Variants in RNF216 observed in about 807,000 individuals in gnomAD.
The protein encoded by RNF216 is E3 ubiquitin-protein ligase RNF216.
In RNF216, 72 loss-of-function variants were observed where a neutral mutation model predicts 110.8. That is an observed-to-expected ratio of 0.65 (90% CI 0.54 to 0.79). The LOEUF (loss-of-function observed/expected upper bound fraction) is 0.79, where lower values mean the gene tolerates loss of function less well. RNF216 is among the 30% of genes least tolerant of loss of function. The probability of loss-of-function intolerance (pLI) is 0.00; values close to 1 mark genes in which losing one functional copy is unlikely to be tolerated. For synonymous variants in RNF216, 495 were observed against 407.5 expected, an observed-to-expected ratio of 1.21 and a Z score of -2.59; for missense variants, 1,342 against 1,141.2, an observed-to-expected ratio of 1.18 and a Z score of -2.54.
intron 3 of RNF216, among the ~76,000 whole-genome samples, chr7:5,746,811 G>A (rs73341665): frequency 0.056 from 8,457 of 152,180 alleles, 786 homozygotes; most frequent in African/African-American, 0.19. Context: ...GAATTATGAT[G>A]ACCATGATGT....
chr7:5,678,760 C>T (rs920413214), intron 13 of RNF216, among the ~76,000 whole-genome samples: 4 of 152,254 alleles, frequency 2.6e-5, no homozygotes, highest in African/African-American at 9.6e-5. Context: ...GGACAAGCTG[C>T]AGAGGCTGCT....
chr7:5,706,250 AAC>A (rs779892183), intron 13 of RNF216, among the ~76,000 whole-genome samples: 101 of 152,218 alleles, frequency 6.6e-4, no homozygotes, highest in Non-Finnish European at 1.3e-3. Context: ...TTGTGGTGAA[AAC>A]ACACAATACA....
chr7:5,670,172 G>A (rs978986082), intron 13 of RNF216, among the ~76,000 whole-genome samples: 12 of 152,198 alleles, frequency 7.9e-5, no homozygotes, highest in East Asian at 1.9e-4. Flanking sequence ...GACCTCAAGT[G>A]AGGCACCCGC....
At chr7:5,773,863 C>A (rs1796634084) in intron 1 of RNF216, among the ~76,000 whole-genome samples, 1 of 152,200 alleles carries the variant, frequency 6.6e-6, no homozygotes, top group Non-Finnish European at 1.5e-5. Flanking sequence ...CCGTGCCTGG[C>A]CCCAAGCCAA....
At chr7:5,642,071 C>G (rs1434933303) in intron 14 of RNF216, among the ~76,000 whole-genome samples, 1 of 134,702 alleles carries the variant, frequency 7.4e-6, no homozygotes, top group African/African-American at 2.8e-5. Context: ...AGAAAGAAAA[C>G]ATTGTCAAGG....
chr7:5,769,598 C>T (rs1280420254), intron 1 of RNF216, among the ~76,000 whole-genome samples: 1 of 151,640 alleles, frequency 6.6e-6, no homozygotes, highest in African/African-American at 2.4e-5. Context: ...GTGGCATGCA[C>T]CTGTGGTACC....
intron 1 of RNF216, among the ~76,000 whole-genome samples, chr7:5,776,067 T>C (rs1796758023): frequency 6.6e-6 from 1 of 152,146 alleles, no homozygotes; most frequent in East Asian, 1.9e-4. Context: ...AAGTCTGTAC[T>C]AATACAATTA....
Position 5,764,035 on chromosome 7 carries a change from C to G in RNF216, c.-69-2897G>C, listed in dbSNP as rs568633841. 4.0e-5 allele frequency among the ~76,000 whole-genome samples: 6 copies of G among 150,962 alleles called. No individual in the cohort carries two copies. In the East Asian group the frequency reaches 1.2e-3, roughly 30 times the overall value. On this transcript the variant is annotated intron_variant, in intron 1 of 16. Coordinates refer to ENST00000389902, the MANE Select transcript of RNF216 (RefSeq NM_207111.4). ...CGAAACCCTGCTTCTACTAAAAATA[C>G]AAGAAATTATCCAGATGTGGTGGCA...
intron 3 of RNF216, among the ~76,000 whole-genome samples, chr7:5,745,613 A>G (rs58503972): frequency 0.037 from 5,592 of 152,230 alleles, 153 homozygotes; most frequent in East Asian, 0.072. Context: ...GTAAAAAGCA[A>G]CAAGGGCAGG....
At chr7:5,757,699 G>C (rs1795716274) in intron 2 of RNF216, among the ~76,000 whole-genome samples, 1 of 152,184 alleles carries the variant, frequency 6.6e-6, no homozygotes, top group Non-Finnish European at 1.5e-5. Flanking sequence ...AAAAAAAGCA[G>C]ATTAGTGGTT....
intron 13 of RNF216, among the ~76,000 whole-genome samples, chr7:5,703,663 T>C (rs766255810): frequency 4.6e-5 from 7 of 152,252 alleles, no homozygotes; most frequent in South Asian, 4.2e-4. Flanking sequence ...ACAAGTGACA[T>C]TGGGAAAAGA....
chr7:5,678,817 A>C (rs1790471995), intron 13 of RNF216, among the ~76,000 whole-genome samples: 1 of 152,214 alleles, frequency 6.6e-6, no homozygotes, highest in Non-Finnish European at 1.5e-5. Flanking sequence ...CCACTTCATC[A>C]GGGAAGACAT....
chr7:5,647,328 CTTT>C (rs10617479), intron 14 of RNF216, among the ~76,000 whole-genome samples: 3,395 of 94,966 alleles, frequency 0.036, 74 homozygotes, highest in African/African-American at 0.063. Flanking sequence ...TTCTTTCTTT[CTTT>C]TTTTTTTTTT....
intron 3 of RNF216, 86 bp downstream of exon 3, chr7:5,752,760 T>C (rs1795398303): frequency 1.4e-6 from 2 of 1,401,988 alleles, no homozygotes; most frequent in African/African-American, 2.8e-5. Context: ...AGAGGTGCTG[T>C]TCTACAACAA....
At chr7:5,645,820 C>T (rs1788017199) in intron 14 of RNF216, among the ~76,000 whole-genome samples, 1 of 152,124 alleles carries the variant, frequency 6.6e-6, no homozygotes, top group South Asian at 2.1e-4. Context: ...GAACTCCTGA[C>T]CTCAAGTGAT....
chr7:5,714,994 G>C, intron 11 of RNF216, 59 bp downstream of exon 11: 2 of 1,484,292 alleles, frequency 1.3e-6, no homozygotes, highest in South Asian at 2.7e-5. Context: ...TATCAACATG[G>C]TCTCCTTAGA....
At chr7:5,734,787 G>C (rs957564230) in intron 5 of RNF216, among the ~76,000 whole-genome samples, 33 of 149,918 alleles carry the variant, frequency 2.2e-4, no homozygotes, top group African/African-American at 7.9e-4. Flanking sequence ...TCATGCCACT[G>C]CACTCCAGCT....
At chr7:5,629,826 C>CAA (rs34172457) in intron 15 of RNF216, among the ~76,000 whole-genome samples, 4,916 of 52,218 alleles carry the variant, frequency 0.094, 673 homozygotes, top group African/African-American at 0.3. Flanking sequence ...GACTCTGTCT[C>CAA]AAAAAAAAAA....
intron 4 of RNF216, among the ~76,000 whole-genome samples, chr7:5,740,598 C>A (rs180760791): frequency 5.3e-5 from 8 of 152,214 alleles, no homozygotes; most frequent in African/African-American, 1.9e-4. Flanking sequence ...ATGTAAACAG[C>A]CACAAGGAGC....
Sources: gnomAD v4.1 joint callset for allele counts (sites outside exome capture counted in the v4.1 genomes callset) on GRCh38, gnomAD v4.1.1 for gene constraint, MANE v1.5 for transcripts, NCBI Gene and HGNC (gene_info 2026-07-23, HGNC 2026-07-21) for gene names.